MYO7A: variants seen among roughly 807,000 people sequenced by gnomAD.
MYO7A encodes myosin VIIA.
MYO7A carries 210 observed loss-of-function variants against 263.8 expected under a neutral mutation model. The ratio of observed to expected loss-of-function variants is 0.80; its 90% CI spans 0.71 to 0.89. MYO7A has a LOEUF of 0.89. Among genes scored for constraint, MYO7A ranks in the 40% least tolerant of loss-of-function variants. The pLI, the probability that MYO7A is intolerant of heterozygous loss-of-function variation, is 0.00. For missense variants in MYO7A, 2,820 were observed against 2,968.3 expected, an observed-to-expected ratio of 0.95 and a Z score of 1.16; for synonymous variants, 1,239 against 1,197.3, an observed-to-expected ratio of 1.03 and a Z score of -0.72.
Position 77,182,075 on chromosome 11 carries a change from A to G in MYO7A, c.3029A>G (p.Gln1010Arg), listed in dbSNP as rs1555085018. Residue 1010 changes from glutamine to arginine, a missense_variant, in exon 24 of 49, where the codon CAG (glutamine) becomes CGG (arginine). Coordinates refer to ENST00000409709, the MANE Select transcript of MYO7A (RefSeq NM_000260.4). ...GCCAAGTTCGCGGCCACCTACTTCC[A>G]GGGGACAACCACGCACTCCTACACC... is the stretch of plus-strand genomic sequence containing the variant. ...KFAKFAATYFQGTTTHSYTRR... is the reference protein window; with the variant it reads ...KFAKFAATYFRGTTTHSYTRR... 1 of 1,613,158 alleles carries G rather than the reference A, an allele frequency of 6.2e-7. No individual in the cohort carries two copies. The highest frequency in any genetic ancestry group is 1.3e-5 in the African/African-American group (1 of 74,880).
chr11:77,162,992 C>T lies in MYO7A; in HGVS notation c.1690+4C>T, dbSNP rs377741637. 74 of 1,613,602 alleles carry T rather than the reference C, an allele frequency of 4.6e-5. No homozygotes were observed. The highest frequency in any genetic ancestry group is 6.0e-5 in the Non-Finnish European group (71 of 1,179,724). ...ATCGTCTACTATGAGACCCAAGGTA[C>T]AGAGGGCTGCCGGCTGTCTGTCACT... On this transcript the variant is annotated splice_donor_region_variant and intron_variant, in intron 14 of 48. Coordinates refer to ENST00000409709, the MANE Select transcript of MYO7A (RefSeq NM_000260.4).
intron 31 of MYO7A, among the ~76,000 whole-genome samples, chr11:77,193,742 C>T (rs959290162): frequency 1.3e-5 from 2 of 152,166 alleles, no homozygotes; most frequent in South Asian, 4.1e-4. Context: ...TGCTGGAGCC[C>T]TGGGGAGCTC....
chr11:77,164,399 A>G (rs1449180268), intron 14 of MYO7A, among the ~76,000 whole-genome samples: 7 of 152,206 alleles, frequency 4.6e-5, no homozygotes, highest in Admixed American at 4.6e-4. Flanking sequence ...ATGTACCACA[A>G]AAAATTAAAA....
rs369489756 is a variant in MYO7A at position 77,194,347 on chromosome 11, C to G, written c.4153-7C>G. On this transcript the variant is annotated splice_polypyrimidine_tract_variant and splice_region_variant and intron_variant, in intron 31 of 48. Transcript: ENST00000409709. ...CCAATGCATGACCGAGGCCTCCCCC[C>G]ACCTAGGAGGACGACCTGGCTGAGC... 61 of 1,609,812 alleles carry G rather than the reference C, an allele frequency of 3.8e-5. No homozygotes were observed. The highest frequency in any genetic ancestry group is 1.1e-4 in the East Asian group (5 of 44,758).
chr11:77,156,612 G>A (rs1952478310), intron 5 of MYO7A, 48 bp from the exon 6 acceptor site: 3 of 1,605,394 alleles, frequency 1.9e-6, no homozygotes, highest in South Asian at 2.2e-5. Flanking sequence ...CAGTTGGTGG[G>A]GAGTCCCTGT....
In MYO7A at chr11:77,160,994, G is replaced by C. The variant is rs782797465; in HGVS notation, c.1222G>C (p.Val408Leu). 11 of 1,609,492 alleles carry C rather than the reference G, an allele frequency of 6.8e-6. No individual in the cohort carries two copies. The South Asian group carries it at 1.1e-4, about 16-fold the overall frequency. ...FVKGIYGRLF[V>L]WIVDKINAAI... ...TCAGGGGATCTACGGGCGGCTGTTC[G>C]TGTGGATTGTGGACAAGATCAACGC... is the stretch of plus-strand genomic sequence containing the variant. Residue 408 changes from valine to leucine, a missense_variant, in exon 12 of 49, where the codon GTG becomes CTG. Coordinates refer to ENST00000409709, the MANE Select transcript of MYO7A (RefSeq NM_000260.4).
At chr11:77,136,281 T>C (rs1565296329) in intron 2 of MYO7A, among the ~76,000 whole-genome samples, 1 of 152,166 alleles carries the variant, frequency 6.6e-6, no homozygotes, top group South Asian at 2.1e-4. Context: ...AACGATTCGT[T>C]GTATAGAATG....
chr11:77,203,401 C>G (rs1465722172), intron 38 of MYO7A, among the ~76,000 whole-genome samples, 184 bp downstream of exon 38: 2 of 152,216 alleles, frequency 1.3e-5, no homozygotes, highest in Non-Finnish European at 2.9e-5. Flanking sequence ...TTCTCTGACC[C>G]TGTCATTTGG....
intron 15 of MYO7A, among the ~76,000 whole-genome samples, chr11:77,166,758 T>C (rs7924655): frequency 0.47 from 72,074 of 152,080 alleles, 19,297 homozygotes; most frequent in African/African-American, 0.73. Flanking sequence ...CATGCCTGTC[T>C]AGGTGCCTGG....
In MYO7A at chr11:77,198,556, G is replaced by A; in HGVS notation, c.4503G>A (p.Val1501=). 6.2e-7 allele frequency: 1 copy of A among 1,613,954 alleles called. No homozygotes were observed. The highest frequency in any genetic ancestry group is 8.5e-7 in the Non-Finnish European group (1 of 1,179,890). Residue 1501 remains valine, a synonymous_variant, in exon 34 of 49, where the codon GTG becomes GTA. Coordinates refer to ENST00000409709, the MANE Select transcript of MYO7A (RefSeq NM_000260.4). ...VAVNWTGVYF[V]DEQEQVLLEL... ...TCAACTGGACGGGTGTGTACTTTGTGGATGAGCAGGAGCAGGTACTTCTGG... is the reference window on the plus strand; with the variant it reads ...TCAACTGGACGGGTGTGTACTTTGTAGATGAGCAGGAGCAGGTACTTCTGG...
At chr11:77,133,994 A>G (rs1555046730) in intron 2 of MYO7A, among the ~76,000 whole-genome samples, 1 of 152,060 alleles carries the variant, frequency 6.6e-6, no homozygotes, top group African/African-American at 2.4e-5. Context: ...CAATGACACA[A>G]TCTCGGCCCA....
intron 41 of MYO7A, among the ~76,000 whole-genome samples, chr11:77,206,448 T>A (rs1461152496): frequency 1.3e-5 from 2 of 152,200 alleles, no homozygotes; most frequent in Non-Finnish European, 2.9e-5. Flanking sequence ...TCCCTCCCTG[T>A]CTCTGAGGAG....
rs750411160 is a variant in MYO7A, at chr11:77,190,680, T to C, written c.3751-17T>C. The C allele has an allele frequency of 3.8e-6, 6 of 1,575,644 alleles. No homozygotes were observed. In the African/African-American group the frequency reaches 8.1e-5, roughly 21 times the overall value. On this transcript the variant is annotated splice_polypyrimidine_tract_variant and intron_variant, in intron 29 of 48. Coordinates refer to ENST00000409709, the MANE Select transcript of MYO7A (RefSeq NM_000260.4). Reference sequence around the variant, plus strand: ...TGAAGGGAAGGGACCCCACAAACCCTCTTGGGGCACTTCCAGGCCACCAAG... The same window carrying C: ...TGAAGGGAAGGGACCCCACAAACCCCCTTGGGGCACTTCCAGGCCACCAAG...
At position 77,181,402 on chromosome 11, in the gene MYO7A, G is replaced by A. The variant is rs868977760; in HGVS notation, c.2717G>A (p.Arg906His). Residue 906 changes from arginine (R) to histidine (H), a missense_variant, in exon 23 of 49, where the codon CGT (arginine) becomes CAT (histidine). Arg to His is a conservative substitution (Grantham distance 29). Coordinates refer to ENST00000409709, the MANE Select transcript of MYO7A (RefSeq NM_000260.4). Reference protein sequence around the residue: ...KHQERLAQLAREDAERELKEK... With the variant: ...KHQERLAQLAHEDAERELKEK... ...CAGGAGCGCCTGGCCCAGCTGGCTC[G>A]TGAGGACGCTGAGCGGGAGCTGAAG... is the stretch of plus-strand genomic sequence containing the variant. The A allele has an allele frequency of 3.4e-5, 53 of 1,576,096 alleles. No homozygotes were observed. The highest frequency in any genetic ancestry group is 1.9e-4 in the East Asian group (8 of 42,948).
Position 77,147,906 on chromosome 11 carries a change from AT to A in MYO7A, c.242del (p.Ile81ThrfsTer25), listed in dbSNP as rs1555054806. The A allele has an allele frequency of 6.3e-7, 1 of 1,578,010 alleles. No homozygotes were observed. Among genetic ancestry groups the A allele is most frequent in the South Asian group, 1.2e-5 (1 of 85,868 alleles). On this transcript the variant is annotated frameshift_variant, in exon 4 of 49. Transcript: ENST00000409709. LOFTEE classifies it high-confidence loss of function. ...CCTGGGGGACCTCAACGAGGCGGGC[AT>A]CTTGCGCAACCTGCTTATCCGCTAC... is the stretch of plus-strand genomic sequence containing the variant. Reference protein sequence around the residue: ...IRLGDLNEAGILRNLLIRYRD... With the variant: ...IRLGDLNEAGXLRNLLIRYRD...
At position 77,156,683 on chromosome 11, in the gene MYO7A, C is replaced by A; in HGVS notation, c.494C>A (p.Thr165Lys). The change falls in exon 6 of 49, where the codon ACG (threonine) becomes AAG (lysine). Residue 165 changes from threonine (T) to lysine (K), a missense_variant. By Grantham distance (78) the Thr-to-Lys change is moderately conservative. Coordinates refer to ENST00000409709, the MANE Select transcript of MYO7A (RefSeq NM_000260.4). ...IISGESGAGK[T>K]ESTKLILQFL... Reference sequence around the variant, plus strand: ...AGTGGGGAATCTGGGGCCGGGAAGACGGAGAGCACAAAGCTGATCCTGCAG... The same window carrying A: ...AGTGGGGAATCTGGGGCCGGGAAGAAGGAGAGCACAAAGCTGATCCTGCAG... The A allele has an allele frequency of 6.2e-7, 1 of 1,613,916 alleles. No homozygotes were observed. The highest frequency in any genetic ancestry group is 1.1e-5 in the South Asian group (1 of 91,070).
At position 77,156,202 on chromosome 11, in the gene MYO7A, G is replaced by A. The variant is rs537066813; in HGVS notation, c.470+111G>A. 81 of 1,222,898 alleles carry A rather than the reference G, an allele frequency of 6.6e-5. No homozygotes were observed. In the African/African-American group the frequency reaches 1.2e-3, roughly 18 times the overall value. 75.8% of individuals were successfully genotyped at this position (1,222,898 alleles called of 1,614,324 possible). ...CCCCCGCTGTCGGAAATGCCATCAA[G>A]CTCTTCAGGAACCAGACCTATGTAC... is the stretch of plus-strand genomic sequence containing the variant. On this transcript the variant is annotated intron_variant, in intron 5 of 48. Transcript: ENST00000409709.
At chr11:77,136,273 C>T (rs555950855) in intron 2 of MYO7A, among the ~76,000 whole-genome samples, 281 of 152,306 alleles carry the variant, frequency 1.8e-3, no homozygotes, top group African/African-American at 6.4e-3. Context: ...CTCATACTAA[C>T]GATTCGTTGT....
At chr11:77,205,128 G>A (rs1690869048) in intron 39 of MYO7A, among the ~76,000 whole-genome samples, 1 of 152,192 alleles carries the variant, frequency 6.6e-6, no homozygotes, top group South Asian at 2.1e-4. Context: ...TCTTGCTATG[G>A]AAACAAACAA....
Sources: gnomAD v4.1 joint callset for allele counts (sites outside exome capture counted in the v4.1 genomes callset) on GRCh38, gnomAD v4.1.1 for gene constraint, MANE v1.5 for transcripts, NCBI Gene and HGNC (gene_info 2026-07-23, HGNC 2026-07-21) for gene names.